The following DENND2B variants were observed in gnomAD, a reference collection of about 807,000 sequenced individuals.
DENND2B encodes DENN domain containing 2B.
DENND2B carries 32 observed loss-of-function variants against 116.0 expected under a neutral mutation model. The observed-to-expected ratio is 0.28, with a 90% CI of 0.21 to 0.37. The LOEUF (loss-of-function observed/expected upper bound fraction) is 0.37. Ranked by LOEUF, DENND2B falls within the 10% of genes least tolerant of loss-of-function variation. The pLI, the probability that DENND2B is intolerant of heterozygous loss-of-function variation, is 1.00. For synonymous variants in DENND2B, 588 were observed against 583.9 expected (o/e 1.01, Z -0.10); for missense variants, 1,276 against 1,477.7 (o/e 0.86, Z 2.24).
intron 3 of DENND2B, among the ~76,000 whole-genome samples, chr11:8,851,283 T>C (rs926446857): frequency 2.5e-4 from 38 of 152,022 alleles, no homozygotes; most frequent in African/African-American, 8.7e-4. Context: ...AAACAGCACA[T>C]TGTACATCAT....
intron 2 of DENND2B, among the ~76,000 whole-genome samples, chr11:8,732,987 G>A (rs1468866249): frequency 1.3e-5 from 2 of 152,192 alleles, no homozygotes; most frequent in Non-Finnish European, 2.9e-5. Flanking sequence ...TTCCCTGCTG[G>A]GTCACAGGCC....
intron 11 of DENND2B, among the ~76,000 whole-genome samples, chr11:8,708,620 T>C (rs11042044): frequency 0.015 from 2,314 of 152,252 alleles, 25 homozygotes; most frequent in Non-Finnish European, 0.026. Flanking sequence ...GGTAGAGGTT[T>C]GCTATGGAGT....
Position 8,726,178 on chromosome 11 carries a change from G to C in DENND2B, c.1372C>G (p.Leu458Val), listed in dbSNP as rs148352721. ...KSFEFEDASSLQSLYPSSPTE... is the reference protein window; with the variant it reads ...KSFEFEDASSVQSLYPSSPTE... Reference sequence around the variant, plus strand: ...GGAGAAGAGGGGTACAGGGACTGGAGACTGGATGCATCCTCAAACTCAAAG... The same window carrying C: ...GGAGAAGAGGGGTACAGGGACTGGACACTGGATGCATCCTCAAACTCAAAG... Residue 458 changes from leucine (L) to valine (V), a missense_variant, in exon 4 of 20, where the codon CTC (leucine) becomes GTC (valine). Physicochemically the swap from Leu to Val is conservative, Grantham distance 32. This residue lies in a region of DENND2B where 856 missense variants were observed against 846.6 expected (regional missense o/e 1.01). Transcript: ENST00000313726. 175 of 1,612,758 alleles carry C rather than the reference G, an allele frequency of 1.1e-4. 1 individual carries two copies. Among genetic ancestry groups the C allele is most frequent in the Admixed American group, 2.7e-4 (16 of 59,704 alleles).
At chr11:8,774,301 C>A (rs1267508258) in intron 1 of DENND2B, 2 of 985,342 alleles carry the variant, frequency 2.0e-6, no homozygotes, top group Admixed American at 1.2e-4. Flanking sequence ...GCACAGTAAT[C>A]ACCTGAAAGG....
In DENND2B at chr11:8,730,593, A is replaced by C; in HGVS notation, c.697T>G (p.Ser233Ala). Residue 233 changes from serine to alanine, a missense_variant, in exon 3 of 20, where the codon TCC becomes GCC. Ser to Ala is a moderately conservative substitution (Grantham distance 99). This residue lies in a region of DENND2B where 856 missense variants were observed against 846.6 expected (regional missense o/e 1.01). Coordinates refer to ENST00000313726, the MANE Select transcript of DENND2B (RefSeq NM_213618.2). The surrounding 1 kb of genome is among the most constrained non-coding windows in gnomAD (Gnocchi z 4.1). ...KGLRRMSRTF[S>A]ECSYPETEEE... ...TCAGTCTCTGGGTAGGAACACTCGGAGAAGGTCCTGCTCATCCTCCGGAGG... is the reference window on the plus strand; with the variant it reads ...TCAGTCTCTGGGTAGGAACACTCGGCGAAGGTCCTGCTCATCCTCCGGAGG... The C allele has an allele frequency of 6.2e-7, 1 of 1,613,116 alleles. No individual in the cohort carries two copies. The highest frequency in any genetic ancestry group is 8.5e-7 in the Non-Finnish European group (1 of 1,180,014).
intron 1 of DENND2B, among the ~76,000 whole-genome samples, chr11:8,763,208 T>C (rs779970637): frequency 2.6e-5 from 4 of 152,122 alleles, no homozygotes; most frequent in Admixed American, 6.5e-5. Context: ...ACATACCCAC[T>C]GGAATGGATA....
intron 2 of DENND2B, among the ~76,000 whole-genome samples, chr11:8,876,736 A>C (rs920404195): frequency 6.6e-6 from 1 of 152,022 alleles, no homozygotes; most frequent in African/African-American, 2.4e-5. Context: ...AAATTAGCCA[A>C]GCATGGTAGC....
intron 11 of DENND2B, chr11:8,708,140 C>A: frequency 7.4e-7 from 1 of 1,345,788 alleles, no homozygotes; most frequent in Non-Finnish European, 9.6e-7. Context: ...CGGGGGCTGG[C>A]AAAGGGCAAA....
intron 4 of DENND2B, among the ~76,000 whole-genome samples, chr11:8,725,375 CT>C (rs759022754): frequency 1.2e-5 from 1 of 82,176 alleles, no homozygotes; most frequent in Non-Finnish European, 2.7e-5. Context: ...TGAAATATTA[CT>C]TTTTTTTTTT....
chr11:8,895,918 C>G (rs2134750828), intron 1 of DENND2B, among the ~76,000 whole-genome samples: 1 of 151,964 alleles, frequency 6.6e-6, no homozygotes, highest in African/African-American at 2.4e-5. Context: ...ACCACCATGA[C>G]CGGCCTATTT....
At chr11:8,732,131 C>A (rs2048229197) in intron 2 of DENND2B, among the ~76,000 whole-genome samples, 1 of 152,192 alleles carries the variant, frequency 6.6e-6, no homozygotes, top group South Asian at 2.1e-4. Context: ...GGGAGGCCAA[C>A]TCCTTAGGCA....
intron 2 of DENND2B, among the ~76,000 whole-genome samples, chr11:8,743,078 A>G (rs1027957490): frequency 6.6e-6 from 1 of 151,390 alleles, no homozygotes; most frequent in African/African-American, 2.4e-5. Flanking sequence ...AAAAGAAAAG[A>G]AGAGAAATGG....
intron 2 of DENND2B, among the ~76,000 whole-genome samples, chr11:8,744,800 T>G (rs2050932117): frequency 6.6e-6 from 1 of 152,202 alleles, no homozygotes; most frequent in Non-Finnish European, 1.5e-5. Flanking sequence ...CACCAGTGTC[T>G]TTTGGGTAGC....
intron 4 of DENND2B, among the ~76,000 whole-genome samples, chr11:8,822,283 G>T (rs144174551): frequency 1.9e-3 from 294 of 152,228 alleles, no homozygotes; most frequent in African/African-American, 6.8e-3. Flanking sequence ...AATACACTGT[G>T]AAACAACTAT....
intron 2 of DENND2B, among the ~76,000 whole-genome samples, chr11:8,734,149 T>C (rs2048570764): frequency 1.3e-5 from 2 of 152,184 alleles, no homozygotes; most frequent in Non-Finnish European, 2.9e-5. Flanking sequence ...CACTTGAGGG[T>C]AGAATTCTCT....
intron 1 of DENND2B, among the ~76,000 whole-genome samples, chr11:8,794,057 T>C (rs541908474): frequency 6.6e-6 from 1 of 152,306 alleles, no homozygotes; most frequent in African/African-American, 2.4e-5. Context: ...GGCATGGGTT[T>C]ATAGAAGATG....
chr11:8,714,230 T>C (rs1385411353), intron 7 of DENND2B, among the ~76,000 whole-genome samples, 188 bp from the exon 8 acceptor site: 1 of 152,214 alleles, frequency 6.6e-6, no homozygotes, highest in East Asian at 1.9e-4. Flanking sequence ...GAGCTCACAC[T>C]GCGAATCCTA....
rs763194977 is a variant in DENND2B, at chr11:8,730,904, G to A, written c.386C>T (p.Ala129Val). ...GCTCTGGGCAAGGGGGAGGCAGGCA[G>A]CGACCCCTGCTACATCCTGGGCTGC... ...QGAAQDVAGV[A>V]ACLPLAQSTP... The change falls in exon 3 of 20, where the codon GCT (alanine) becomes GTT (valine). Residue 129 changes from alanine to valine, a missense_variant. By Grantham distance (64) the Ala-to-Val change is moderately conservative (BLOSUM62 0). Coordinates refer to ENST00000313726, the MANE Select transcript of DENND2B (RefSeq NM_213618.2). The surrounding 1 kb of genome is among the most constrained non-coding windows in gnomAD (Gnocchi z 4.1). The A allele has an allele frequency of 1.2e-6, 2 of 1,614,118 alleles. No individual in the cohort carries two copies. Among genetic ancestry groups the A allele is most frequent in the Non-Finnish European group, 1.7e-6 (2 of 1,180,042 alleles).
intron 14 of DENND2B, among the ~76,000 whole-genome samples, chr11:8,700,713 A>G (rs2041405485): frequency 6.6e-6 from 1 of 152,206 alleles, no homozygotes. Flanking sequence ...TGACCAAAAC[A>G]ATATGTAACA....
Sources: gnomAD v4.1 joint callset for allele counts (sites outside exome capture counted in the v4.1 genomes callset) on GRCh38, gnomAD v4.1.1 for gene constraint, gnomAD v4.1.1 regional missense constraint, Gnocchi (gnomAD v3.1) non-coding constraint, MANE v1.5 for transcripts, NCBI Gene and HGNC (gene_info 2026-07-23, HGNC 2026-07-21) for gene names.